Variants in PTK2B observed in about 807,000 individuals in gnomAD.
PTK2B encodes protein tyrosine kinase 2 beta.
PTK2B carries 71 observed loss-of-function variants against 142.9 expected under a neutral mutation model. The ratio of observed to expected loss-of-function variants is 0.50; its 90% CI spans 0.41 to 0.61. The LOEUF (loss-of-function observed/expected upper bound fraction) is 0.61, where lower values mean the gene tolerates loss of function less well. Among genes scored for constraint, PTK2B ranks in the 20% least tolerant of loss-of-function variants. PTK2B has a pLI of 0.00. For missense variants in PTK2B, 1,105 were observed against 1,320.4 expected (o/e 0.84, Z 2.53); for synonymous variants, 519 against 503.4 (o/e 1.03, Z -0.42).
chr8:27,354,216 T>TA (rs1002887235), intron 1 of PTK2B, among the ~76,000 whole-genome samples: 30 of 152,134 alleles, frequency 2.0e-4, no homozygotes, highest in Non-Finnish European at 3.5e-4. Context: ...CAAGCTAAAG[T>TA]AAAAATGCCA....
intron 1 of PTK2B, among the ~76,000 whole-genome samples, chr8:27,346,420 C>T (rs1339795413): frequency 6.6e-6 from 1 of 152,148 alleles, no homozygotes; most frequent in Non-Finnish European, 1.5e-5. Context: ...GGGGCACACG[C>T]CTGTAGTCCC....
intron 1 of PTK2B, among the ~76,000 whole-genome samples, chr8:27,347,324 G>A (rs1804775429): frequency 6.6e-6 from 1 of 151,190 alleles, no homozygotes; most frequent in Non-Finnish European, 1.5e-5. Context: ...AGGTTGCAGT[G>A]AGCCGAGATC....
intron 1 of PTK2B, among the ~76,000 whole-genome samples, chr8:27,390,862 T>G (rs1358488902): frequency 1.3e-5 from 2 of 152,136 alleles, no homozygotes; most frequent in Non-Finnish European, 2.9e-5. Context: ...CTACAGAGAT[T>G]ATCTTGTCCA....
Position 27,439,334 on chromosome 8 carries a change from ATG to A in PTK2B, c.1771_1772del (p.Trp591AspfsTer7). 1 of 1,614,060 alleles carries A rather than the reference ATG, an allele frequency of 6.2e-7. No homozygotes were observed. On this transcript the variant is annotated frameshift_variant, in exon 20 of 31. Coordinates refer to ENST00000346049, the MANE Select transcript of PTK2B (RefSeq NM_173176.3). LOFTEE classifies it high-confidence loss of function. ...CCTCTGTGACTCGTCTCCCCATCAA[ATG>A]GATGTCCCCAGAGTCCATTAACTTC... Reference protein sequence around the residue: ...KASVTRLPIKWMSPESINFRR... With the variant: ...KASVTRLPIKXMSPESINFRR...
At chr8:27,384,311 A>G (rs1297734877) in intron 1 of PTK2B, among the ~76,000 whole-genome samples, 4 of 152,096 alleles carry the variant, frequency 2.6e-5, no homozygotes. Context: ...TACTTTTTCT[A>G]TTTATTTTTT....
chr8:27,316,096 C>A (rs1231150526), intron 3 of PTK2B, among the ~76,000 whole-genome samples: 1 of 152,160 alleles, frequency 6.6e-6, no homozygotes, highest in East Asian at 1.9e-4. Context: ...TGTATACTAG[C>A]TAATCTTCTG....
intron 24 of PTK2B, 86 bp downstream of exon 24, chr8:27,446,005 C>T (rs1811450402): frequency 6.4e-7 from 1 of 1,565,692 alleles, no homozygotes. Context: ...ACCCCACGTC[C>T]TCAGCTCAGG....
intron 1 of PTK2B, among the ~76,000 whole-genome samples, chr8:27,388,789 C>G (rs1807530798): frequency 6.6e-6 from 1 of 152,210 alleles, no homozygotes; most frequent in Non-Finnish European, 1.5e-5. Context: ...ACACACACAC[C>G]AGGCACTTAT....
intron 2 of PTK2B, among the ~76,000 whole-genome samples, chr8:27,409,282 G>A (rs1808910603): frequency 6.6e-6 from 1 of 152,036 alleles, no homozygotes; most frequent in Non-Finnish European, 1.5e-5. Context: ...TGGAATCCAG[G>A]GGAAGAAACA....
intron 1 of PTK2B, among the ~76,000 whole-genome samples, chr8:27,352,457 C>T (rs564221495): frequency 3.3e-5 from 5 of 152,294 alleles, no homozygotes; most frequent in Non-Finnish European, 5.9e-5. Context: ...ATCTACTTAA[C>T]GTCTTCAGGG....
chr8:27,399,777 A>T (rs929037521), intron 2 of PTK2B, among the ~76,000 whole-genome samples: 2 of 152,214 alleles, frequency 1.3e-5, no homozygotes. Context: ...GCAAAATGCC[A>T]CCTGCTTATT....
At chr8:27,432,503 C>T (rs1810500737) in intron 10 of PTK2B, 142 bp downstream of exon 10, 1 of 703,540 alleles carries the variant, frequency 1.4e-6, no homozygotes. Flanking sequence ...AAGAAAACTG[C>T]ACCAAGTTCT....
rs900449111 is a variant in PTK2B, at chr8:27,334,384, G to A, written c.-38+8703G>A. 8.5e-5 allele frequency among the ~76,000 whole-genome samples: 13 copies of A among 152,222 alleles called. 1 individual carries two copies. Among genetic ancestry groups the A allele is most frequent in the Admixed American group, 8.5e-4 (13 of 15,290 alleles). ...CAGCCTGGTGTGCTCCCCAGTCTCT[G>A]GCAAGCCTCTGCTCAAGTCCTGTGT... On this transcript the variant is annotated intron_variant, in intron 1 of 30. Coordinates refer to ENST00000346049, the MANE Select transcript of PTK2B (RefSeq NM_173176.3).
intron 1 of PTK2B, among the ~76,000 whole-genome samples, chr8:27,334,069 C>CT (rs1477456185): frequency 1.3e-5 from 2 of 152,140 alleles, no homozygotes; most frequent in African/African-American, 2.4e-5. Flanking sequence ...CACGCCCCCA[C>CT]TTTTTTCTGC....
At position 27,379,277 on chromosome 8, in the gene PTK2B, T is replaced by G. The variant is rs1209268111; in HGVS notation, c.-37-18271T>G. On this transcript the variant is annotated intron_variant, in intron 1 of 30. Coordinates refer to ENST00000346049, the MANE Select transcript of PTK2B (RefSeq NM_173176.3). ...TGCTTTTGGAGACAGGGTCTCATTC[T>G]GTCGCCCAGGCTGGAGTGCAATGGC... 3.3e-5 allele frequency among the ~76,000 whole-genome samples: 5 copies of G among 152,276 alleles called. No individual in the cohort carries two copies. The South Asian group carries it at 8.3e-4, about 25-fold the overall frequency.
At chr8:27,405,217 G>A (rs1364303211) in intron 2 of PTK2B, among the ~76,000 whole-genome samples, 1 of 152,178 alleles carries the variant, frequency 6.6e-6, no homozygotes, top group African/African-American at 2.4e-5. Flanking sequence ...CCCAGTCAGG[G>A]TGATTTGTTA....
intron 1 of PTK2B, among the ~76,000 whole-genome samples, chr8:27,358,022 C>A (rs985588864): frequency 1.3e-5 from 2 of 152,158 alleles, no homozygotes; most frequent in Non-Finnish European, 2.9e-5. Flanking sequence ...ACCAAGCCAA[C>A]CTCATTGGAT....
At chr8:27,411,398 A>G (rs983749993) in intron 2 of PTK2B, among the ~76,000 whole-genome samples, 6 of 152,026 alleles carry the variant, frequency 3.9e-5, no homozygotes, top group Non-Finnish European at 8.8e-5. Flanking sequence ...TTCACACCAT[A>G]CCTTTCCTCC....
chr8:27,317,384 G>C (rs537326350), intron 3 of PTK2B, among the ~76,000 whole-genome samples: 2 of 152,172 alleles, frequency 1.3e-5, no homozygotes, highest in African/African-American at 4.8e-5. Context: ...TTTTCCATTT[G>C]ATAGGCAGTG....
Sources: allele counts gnomAD v4.1 joint callset (sites outside exome capture counted in the v4.1 genomes callset), GRCh38; gene constraint gnomAD v4.1.1; transcripts MANE v1.5; gene names NCBI Gene and HGNC (gene_info 2026-07-23, HGNC 2026-07-21).